Variants in AGAP1 observed in about 807,000 individuals in gnomAD.
AGAP1 encodes the protein arf-GAP with GTPase, ANK repeat and PH domain-containing protein 1.
A neutral mutation model predicts 105.3 loss-of-function variants in AGAP1; 29 were observed. That is an observed-to-expected ratio of 0.28 (90% confidence interval 0.21 to 0.38). The LOEUF (loss-of-function observed/expected upper bound fraction) is 0.38. Among genes scored for constraint, AGAP1 ranks in the 10% least tolerant of loss-of-function variants. The pLI is 1.00. For synonymous variants in AGAP1, 509 were observed against 485.9 expected, an observed-to-expected ratio of 1.05 and a Z score of -0.63; for missense variants, 998 against 1,165.1, an observed-to-expected ratio of 0.86 and a Z score of 2.09.
At chr2:235,634,994 C>T (rs1407717502) in intron 1 of AGAP1, among the ~76,000 whole-genome samples, 3 of 151,948 alleles carry the variant, frequency 2.0e-5, no homozygotes, top group African/African-American at 4.8e-5. Context: ...AGTGGCCAAC[C>T]GTGTGTCCTC....
intron 12 of AGAP1, among the ~76,000 whole-genome samples, chr2:235,952,601 GT>G (rs200326641): frequency 2.0e-5 from 3 of 151,384 alleles, no homozygotes; most frequent in Admixed American, 6.6e-5. Context: ...TTTTATCTGT[GT>G]TTTTTTTTAA....
At position 235,687,599 on chromosome 2, in the gene AGAP1, T is replaced by C. The variant is rs188961330; in HGVS notation, c.164-21580T>C. ...TGATAAACATGCAGATAAAAACTTA[T>C]TACATGAGGACCAGTGTTTGAAAGA... On this transcript the variant is annotated intron_variant, in intron 1 of 17. Coordinates refer to ENST00000304032, the MANE Select transcript of AGAP1 (RefSeq NM_001037131.3). Among the ~76,000 whole-genome samples the C allele has an allele frequency of 1.1e-3, 166 of 152,328 alleles. 1 individual carries two copies. In the South Asian group the frequency reaches 0.013, roughly 12 times the overall value.
At chr2:235,707,099 C>T (rs1165894489) in intron 1 of AGAP1, among the ~76,000 whole-genome samples, 2 of 152,146 alleles carry the variant, frequency 1.3e-5, no homozygotes, top group Non-Finnish European at 2.9e-5. Flanking sequence ...TTTGCGCCCC[C>T]GATATTTAGC....
In AGAP1 at chr2:236,055,495, C is replaced by T. The variant is rs557808969; in HGVS notation, c.2114+6214C>T. Among the ~76,000 whole-genome samples, 4 of 152,218 alleles carry T rather than the reference C, an allele frequency of 2.6e-5. No homozygotes were observed. Among genetic ancestry groups the T allele is most frequent in the East Asian group, 3.9e-4 (2 of 5,190 alleles). ...GGCTTAATTAATTGGCAGGAGCCCCCGAAAATGACAGTACCACTAATTGCA... is the reference window on the plus strand; with the variant it reads ...GGCTTAATTAATTGGCAGGAGCCCCTGAAAATGACAGTACCACTAATTGCA... On this transcript the variant is annotated intron_variant, in intron 16 of 17. Coordinates refer to ENST00000304032, the MANE Select transcript of AGAP1 (RefSeq NM_001037131.3). This position sits in a 1 kb window ranked among gnomAD's most constrained non-coding sequence, Gnocchi z 6.2.
At chr2:235,783,022 T>TTGTGTGTGTGTGTGTGTG (rs112987473) in intron 6 of AGAP1, among the ~76,000 whole-genome samples, 1 of 141,186 alleles carries the variant, frequency 7.1e-6, no homozygotes, top group African/African-American at 2.6e-5. Context: ...CGGCAGGAGA[T>TTGTGTGTGTGTGTGTGTG]TGTGTGTGTG....
chr2:236,091,137 C>T (rs2059049841), intron 16 of AGAP1, among the ~76,000 whole-genome samples: 1 of 152,252 alleles, frequency 6.6e-6, no homozygotes, highest in Non-Finnish European at 1.5e-5. Flanking sequence ...TGCGTGTTTG[C>T]ATATCTGCAC....
chr2:235,797,905 G>A lies in AGAP1; in HGVS notation c.801+19G>A, dbSNP rs761411781. On this transcript the variant is annotated intron_variant, in intron 7 of 17. Transcript: ENST00000304032. Reference sequence around the variant, plus strand: ...CAGCCAGGTACGTTAGGTGACATGAGAAGTCAGACTCTTAGAACCAAAGAC... The same window carrying A: ...CAGCCAGGTACGTTAGGTGACATGAAAAGTCAGACTCTTAGAACCAAAGAC... 5.9e-5 allele frequency: 95 copies of A among 1,613,840 alleles called. No individual in the cohort carries two copies. In the Middle Eastern group the frequency reaches 8.3e-4, roughly 14 times the overall value.
intron 13 of AGAP1, among the ~76,000 whole-genome samples, chr2:236,013,818 C>T (rs1338776623): frequency 6.6e-6 from 1 of 152,214 alleles, no homozygotes; most frequent in Middle Eastern, 3.2e-3. Flanking sequence ...TGTGCCTTTG[C>T]TTGCATTTGC....
At chr2:235,560,485 G>A (rs541378794) in intron 1 of AGAP1, among the ~76,000 whole-genome samples, 1 of 152,164 alleles carries the variant, frequency 6.6e-6, no homozygotes, top group Admixed American at 6.5e-5. Flanking sequence ...GGACTTTACG[G>A]ATGTGATTAA....
At chr2:235,548,935 T>C (rs982440392) in intron 1 of AGAP1, among the ~76,000 whole-genome samples, 1 of 152,170 alleles carries the variant, frequency 6.6e-6, no homozygotes, top group African/African-American at 2.4e-5. Context: ...TTTGGCTGTG[T>C]TTGTACCTGG....
rs1219119945 is a variant in AGAP1, at chr2:235,662,412, G to A, written c.164-46767G>A. Among the ~76,000 whole-genome samples the A allele has an allele frequency of 2.0e-5, 3 of 152,204 alleles. No individual in the cohort carries two copies. Among genetic ancestry groups the A allele is most frequent in the African/African-American group, 7.2e-5 (3 of 41,454 alleles). On this transcript the variant is annotated intron_variant, in intron 1 of 17. Transcript: ENST00000304032. This position sits in a 1 kb window ranked among gnomAD's most constrained non-coding sequence, Gnocchi z 4.2. ...CTCCTAGGGACAGAGTGCGTCCATG[G>A]AGGGGAGGACTCACAGCAGTTTTGA...
chr2:235,974,554 T>C (rs1248919938), intron 13 of AGAP1, among the ~76,000 whole-genome samples: 1 of 152,244 alleles, frequency 6.6e-6, no homozygotes. Flanking sequence ...CTTTGGTTGT[T>C]CATTCTGGTC....
chr2:235,722,961 C>T (rs373864014), intron 3 of AGAP1, among the ~76,000 whole-genome samples: 45 of 152,208 alleles, frequency 3.0e-4, no homozygotes, highest in African/African-American at 1.0e-3. Context: ...AGCGTTGGGC[C>T]GCATCCAAAG....
At chr2:235,727,111 C>G (rs1951686310) in intron 3 of AGAP1, among the ~76,000 whole-genome samples, 2 of 152,194 alleles carry the variant, frequency 1.3e-5, no homozygotes, top group African/African-American at 4.8e-5. Context: ...TCATTTGAGT[C>G]AGGTGCTTTT....
At position 235,981,485 on chromosome 2, in the gene AGAP1, T is replaced by C. The variant is rs1265502324; in HGVS notation, c.1645+12862T>C. 1.3e-5 allele frequency among the ~76,000 whole-genome samples: 2 copies of C among 152,130 alleles called. No homozygotes were observed. Among genetic ancestry groups the C allele is most frequent in the Non-Finnish European group, 2.9e-5 (2 of 68,014 alleles). On this transcript the variant is annotated intron_variant, in intron 13 of 17. Transcript: ENST00000304032. This position sits in a 1 kb window ranked among gnomAD's most constrained non-coding sequence, Gnocchi z 5.5. Reference sequence around the variant, plus strand: ...CACACACACACACACGGTGTTATTTTTTTTCTTTCTGAATTTCATGAAAAT... The same window carrying C: ...CACACACACACACACGGTGTTATTTCTTTTCTTTCTGAATTTCATGAAAAT...
rs764857779 is a variant in AGAP1, at chr2:236,003,079, A to G, written c.1646-33482A>G. On this transcript the variant is annotated intron_variant, in intron 13 of 17. Coordinates refer to ENST00000304032, the MANE Select transcript of AGAP1 (RefSeq NM_001037131.3). The surrounding 1 kb of genome is among the most constrained non-coding windows in gnomAD (Gnocchi z 4.2). ...CTGTGTGCCAACAGAGTCTTGATCT[A>G]TTGCCCAGGCTGGAGTGCAGTGGCA... Among the ~76,000 whole-genome samples the G allele has an allele frequency of 5.9e-5, 9 of 152,206 alleles. No individual in the cohort carries two copies. Among genetic ancestry groups the G allele is most frequent in the Middle Eastern group, 3.4e-3 (1 of 294 alleles).
Position 235,967,342 on chromosome 2 carries a change from CT to C in AGAP1, c.1484-1119del, listed in dbSNP as rs1238917004. On this transcript the variant is annotated intron_variant, in intron 12 of 17. Coordinates refer to ENST00000304032, the MANE Select transcript of AGAP1 (RefSeq NM_001037131.3). The surrounding 1 kb of genome is among the most constrained non-coding windows in gnomAD (Gnocchi z 4.7). ...ATGACACCCCCCATCACTGCCGCCTCTCCCCAGCCTCCCAGCCTTGATGCCC... is the reference window on the plus strand; with the variant it reads ...ATGACACCCCCCATCACTGCCGCCTCCCCCAGCCTCCCAGCCTTGATGCCC... Among the ~76,000 whole-genome samples, 3 of 152,220 alleles carry C rather than the reference CT, an allele frequency of 2.0e-5. No individual in the cohort carries two copies. The highest frequency in any genetic ancestry group is 7.2e-5 in the African/African-American group (3 of 41,454).
At chr2:235,651,344 A>T (rs1356454189) in intron 1 of AGAP1, among the ~76,000 whole-genome samples, 2 of 152,158 alleles carry the variant, frequency 1.3e-5, no homozygotes, top group Admixed American at 6.5e-5. Flanking sequence ...AGATATCTCC[A>T]TCAGCAATGT....
chr2:235,644,275 T>G (rs1947298686), intron 1 of AGAP1, among the ~76,000 whole-genome samples: 1 of 152,056 alleles, frequency 6.6e-6, no homozygotes, highest in East Asian at 1.9e-4. Flanking sequence ...TAATACTGAG[T>G]GAGAGTGGGA....
Sources: allele counts gnomAD v4.1 joint callset (sites outside exome capture counted in the v4.1 genomes callset), GRCh38; gene constraint gnomAD v4.1.1; non-coding constraint Gnocchi (gnomAD v3.1); transcripts MANE v1.5; gene names NCBI Gene and HGNC (gene_info 2026-07-23, HGNC 2026-07-21).